RUNDC3B: variants seen among roughly 807,000 people sequenced by gnomAD.
The protein encoded by RUNDC3B is RUN domain-containing protein 3B.
A neutral mutation model predicts 58.4 loss-of-function variants in RUNDC3B; 33 were observed. That is an observed-to-expected ratio of 0.56 (90% CI 0.43 to 0.75). RUNDC3B has a LOEUF of 0.75. RUNDC3B is among the 30% of genes least tolerant of loss of function. The pLI is 0.00. For synonymous variants in RUNDC3B, 193 were observed against 195.2 expected (o/e 0.99, Z 0.10); for missense variants, 501 against 535.7 (o/e 0.94, Z 0.64).
intron 8 of RUNDC3B, among the ~76,000 whole-genome samples, chr7:87,785,714 G>A (rs890143009): frequency 6.6e-6 from 1 of 152,150 alleles, no homozygotes; most frequent in Admixed American, 6.5e-5. Flanking sequence ...AGTCAGTAGG[G>A]GCTCCAGTCA....
intron 4 of RUNDC3B, among the ~76,000 whole-genome samples, chr7:87,713,502 G>A (rs566439617): frequency 1.3e-5 from 2 of 152,016 alleles, no homozygotes; most frequent in Admixed American, 1.3e-4. Flanking sequence ...TTTTTGCTAA[G>A]GTGTAGGACG....
At chr7:87,723,876 G>T (rs1006928144) in intron 4 of RUNDC3B, among the ~76,000 whole-genome samples, 2 of 152,076 alleles carry the variant, frequency 1.3e-5, no homozygotes, top group African/African-American at 4.8e-5. Flanking sequence ...GTCCAAATAT[G>T]ATAAAGCGTC....
At chr7:87,671,038 A>C (rs142561049) in intron 2 of RUNDC3B, among the ~76,000 whole-genome samples, 120 of 152,262 alleles carry the variant, frequency 7.9e-4, no homozygotes, top group African/African-American at 2.7e-3. Context: ...GTTGTGACTG[A>C]GGGTCATTTG....
intron 3 of RUNDC3B, among the ~76,000 whole-genome samples, chr7:87,707,086 G>A (rs1210738366): frequency 6.6e-6 from 1 of 152,078 alleles, no homozygotes; most frequent in Non-Finnish European, 1.5e-5. Flanking sequence ...ATTGTGAGGT[G>A]ATTTTCTAGT....
chr7:87,716,442 G>A (rs1448736663), intron 4 of RUNDC3B, among the ~76,000 whole-genome samples: 1 of 152,196 alleles, frequency 6.6e-6, no homozygotes, highest in African/African-American at 2.4e-5. Flanking sequence ...CTTGGGACCT[G>A]TAGGAATTGC....
At chr7:87,710,549 A>T in intron 3 of RUNDC3B, 21 bp from the exon 4 acceptor site, 1 of 1,421,652 alleles carries the variant, frequency 7.0e-7, no homozygotes, top group Non-Finnish European at 9.7e-7. Context: ...TTTATATTTG[A>T]TTCTTTCTTC....
At chr7:87,706,926 G>A (rs1204967896) in intron 3 of RUNDC3B, among the ~76,000 whole-genome samples, 1 of 152,194 alleles carries the variant, frequency 6.6e-6, no homozygotes, top group African/African-American at 2.4e-5. Flanking sequence ...TAGTTCTGGA[G>A]AGATAGAGGT....
At chr7:87,762,675 A>C (rs1412617127) in intron 6 of RUNDC3B, among the ~76,000 whole-genome samples, 2 of 151,400 alleles carry the variant, frequency 1.3e-5, no homozygotes, top group Non-Finnish European at 3.0e-5. Flanking sequence ...TTCCATTGTA[A>C]ATGCATTTCA....
In RUNDC3B at chr7:87,650,884, A is replaced by C; in HGVS notation, c.185A>C (p.Glu62Ala). Residue 62 changes from glutamate (E) to alanine (A), a missense_variant, in exon 2 of 11, where the codon GAA becomes GCA. Transcript: ENST00000394654. ...CFETIDDSSP[E>A]FNNFAAILEQ... ...GAGACAATTGATGATTCTTCTCCTG[A>C]ATTTAACAATTTTGCAGCTATTTTG... is the stretch of plus-strand genomic sequence containing the variant. 1 of 1,613,220 alleles carries C rather than the reference A, an allele frequency of 6.2e-7. No homozygotes were observed. The highest frequency in any genetic ancestry group is 8.5e-7 in the Non-Finnish European group (1 of 1,179,406).
At chr7:87,783,177 G>A (rs1021866960) in intron 8 of RUNDC3B, among the ~76,000 whole-genome samples, 2 of 151,650 alleles carry the variant, frequency 1.3e-5, no homozygotes, top group African/African-American at 4.8e-5. Context: ...ATGTGTTTGT[G>A]TATGTGTGTG....
At chr7:87,705,753 G>A (rs746106435) in intron 3 of RUNDC3B, among the ~76,000 whole-genome samples, 5 of 151,906 alleles carry the variant, frequency 3.3e-5, no homozygotes, top group Non-Finnish European at 5.9e-5. Flanking sequence ...CCCATCTTCC[G>A]CATCTGCTCT....
At chr7:87,703,915 T>TTTTTG (rs1829350464) in intron 3 of RUNDC3B, among the ~76,000 whole-genome samples, 1 of 18,530 alleles carries the variant, frequency 5.4e-5, no homozygotes, top group African/African-American at 2.1e-4. Flanking sequence ...TTTTTTTTGG[T>TTTTTG]TTTTTTTTTT....
At chr7:87,821,131 C>T (rs1837400056) in intron 10 of RUNDC3B, among the ~76,000 whole-genome samples, 1 of 151,274 alleles carries the variant, frequency 6.6e-6, no homozygotes. Flanking sequence ...GATTGTATAT[C>T]TAGAAAACCC....
At chr7:87,757,932 G>A (rs1833462166) in intron 6 of RUNDC3B, among the ~76,000 whole-genome samples, 1 of 152,098 alleles carries the variant, frequency 6.6e-6, no homozygotes, top group Admixed American at 6.6e-5. Context: ...AAATGGTGCT[G>A]GGAAAACTGG....
intron 4 of RUNDC3B, among the ~76,000 whole-genome samples, chr7:87,726,749 G>C (rs1489731769): frequency 2.0e-5 from 3 of 152,158 alleles, no homozygotes; most frequent in African/African-American, 7.2e-5. Flanking sequence ...CCATTTGTTT[G>C]TGTCCTCTTT....
At chr7:87,818,196 T>G (rs1453112014) in intron 10 of RUNDC3B, among the ~76,000 whole-genome samples, 1 of 152,182 alleles carries the variant, frequency 6.6e-6, no homozygotes, top group Admixed American at 6.5e-5. Context: ...TTTTTAATTA[T>G]AGGTATTTTG....
chr7:87,654,416 C>T (rs1235662338), intron 2 of RUNDC3B, among the ~76,000 whole-genome samples: 1 of 151,982 alleles, frequency 6.6e-6, no homozygotes, highest in African/African-American at 2.4e-5. Context: ...AGAGAACCCA[C>T]AAATAAATCC....
intron 4 of RUNDC3B, among the ~76,000 whole-genome samples, chr7:87,717,174 A>C (rs1206103562): frequency 2.0e-5 from 3 of 152,188 alleles, no homozygotes; most frequent in African/African-American, 7.2e-5. Flanking sequence ...AGTGTTTTTT[A>C]ATAAAAATCA....
rs145735495 is a variant in RUNDC3B at position 87,686,769 on chromosome 7, G to A, written c.239-13652G>A. Among the ~76,000 whole-genome samples the A allele has an allele frequency of 7.3e-3, 1,058 of 145,534 alleles. 19 individuals carry two copies. The highest frequency in any genetic ancestry group is 0.024 in the African/African-American group (953 of 39,296). ...CACCTGGGCAACATGGTGAAACCCC[G>A]CCTCTAGAAAAAAAAAAAAAAAAGA... is the stretch of plus-strand genomic sequence containing the variant. On this transcript the variant is annotated intron_variant, in intron 2 of 10. Transcript: ENST00000394654.
Sources: allele counts gnomAD v4.1 joint callset (sites outside exome capture counted in the v4.1 genomes callset), GRCh38; gene constraint gnomAD v4.1.1; transcripts MANE v1.5; gene names NCBI Gene and HGNC (gene_info 2026-07-23, HGNC 2026-07-21).